Variants in HS3ST4 observed in about 807,000 individuals in gnomAD.
HS3ST4 encodes heparan sulfate-glucosamine 3-sulfotransferase 4, also known as heparan sulfate glucosamine 3-O-sulfotransferase 4.
Under a neutral mutation model 29.2 loss-of-function variants are expected in HS3ST4, and 17 were observed. The observed-to-expected ratio is 0.58, with a 90% confidence interval of 0.40 to 0.87. HS3ST4 has a LOEUF of 0.87. Among genes scored for constraint, HS3ST4 ranks in the 40% least tolerant of loss-of-function variants. The pLI is 0.00. For missense variants in HS3ST4, 627 were observed against 634.5 expected (o/e 0.99, Z 0.13); for synonymous variants, 314 against 285.7 (o/e 1.10, Z -1.00).
At chr16:26,077,888 T>C (rs146375776) in intron 1 of HS3ST4, among the ~76,000 whole-genome samples, 20 of 152,250 alleles carry the variant, frequency 1.3e-4, no homozygotes, top group Non-Finnish European at 2.8e-4. Context: ...CTGGGCAACA[T>C]AGCAAGACCC....
chr16:25,786,536 C>T (rs1249809822), intron 1 of HS3ST4, among the ~76,000 whole-genome samples: 2 of 152,120 alleles, frequency 1.3e-5, no homozygotes, highest in Non-Finnish European at 2.9e-5. Flanking sequence ...TCTAAGTGAC[C>T]TCTGGATGAC....
intron 1 of HS3ST4, among the ~76,000 whole-genome samples, chr16:25,976,408 C>T (rs1596632742): frequency 6.6e-6 from 1 of 152,274 alleles, no homozygotes; most frequent in East Asian, 1.9e-4. Context: ...AGGGCTCAGG[C>T]AACCTTTTCA....
chr16:25,877,211 G>A (rs1359390470), intron 1 of HS3ST4, among the ~76,000 whole-genome samples: 1 of 152,056 alleles, frequency 6.6e-6, no homozygotes, highest in African/African-American at 2.4e-5. Flanking sequence ...GTGTCCCCCA[G>A]CCTGAAATTC....
At chr16:25,897,092 C>G (rs1020887892) in intron 1 of HS3ST4, among the ~76,000 whole-genome samples, 1 of 152,076 alleles carries the variant, frequency 6.6e-6, no homozygotes, top group African/African-American at 2.4e-5. Flanking sequence ...CTCCAAACCC[C>G]AGCATTATGT....
At chr16:26,095,496 C>A (rs192067338) in intron 1 of HS3ST4, among the ~76,000 whole-genome samples, 1 of 152,188 alleles carries the variant, frequency 6.6e-6, no homozygotes, top group Non-Finnish European at 1.5e-5. Context: ...GGAAACTGAA[C>A]AACTTGCTCC....
At chr16:25,762,868 C>A (rs1434462936) in intron 1 of HS3ST4, among the ~76,000 whole-genome samples, 2 of 119,580 alleles carry the variant, frequency 1.7e-5, no homozygotes, top group Admixed American at 1.8e-4. Context: ...CAGAGCAAGA[C>A]CCTGTCTCAA....
intron 1 of HS3ST4, among the ~76,000 whole-genome samples, chr16:26,062,514 G>A (rs2141771685): frequency 6.6e-6 from 1 of 151,994 alleles, no homozygotes; most frequent in Non-Finnish European, 1.5e-5. Context: ...GGATGAGACA[G>A]TTGTACCTGA....
intron 1 of HS3ST4, among the ~76,000 whole-genome samples, chr16:25,758,355 A>G (rs1458322309): frequency 6.6e-6 from 1 of 152,180 alleles, no homozygotes; most frequent in Admixed American, 6.5e-5. Flanking sequence ...TCTGTTATCA[A>G]TACCTGTGCT....
intron 1 of HS3ST4, among the ~76,000 whole-genome samples, chr16:25,881,794 A>T (rs1370638942): frequency 6.6e-6 from 1 of 152,160 alleles, no homozygotes; most frequent in Non-Finnish European, 1.5e-5. Context: ...GCCTCAGGGG[A>T]TGGGCTGTTA....
chr16:25,993,219 G>A (rs191052149), intron 1 of HS3ST4, among the ~76,000 whole-genome samples: 9 of 152,272 alleles, frequency 5.9e-5, no homozygotes, highest in African/African-American at 2.2e-4. Flanking sequence ...GAGGGGTTGA[G>A]TCTGGGTTCT....
intron 1 of HS3ST4, among the ~76,000 whole-genome samples, chr16:25,694,066 T>C (rs561632096): frequency 8.5e-5 from 13 of 152,340 alleles, no homozygotes; most frequent in African/African-American, 3.1e-4. Context: ...TGTTTCTCTT[T>C]CTCTCTTTCC....
chr16:25,902,740 TG>T (rs1476578027), intron 1 of HS3ST4, among the ~76,000 whole-genome samples: 1 of 151,476 alleles, frequency 6.6e-6, no homozygotes, highest in African/African-American at 2.4e-5. Flanking sequence ...GGCAATGTGG[TG>T]GTTCTAGGCA....
chr16:25,718,934 A>AG (rs1006580126), intron 1 of HS3ST4, among the ~76,000 whole-genome samples: 1 of 152,216 alleles, frequency 6.6e-6, no homozygotes, highest in African/African-American at 2.4e-5. Context: ...GAGCTTGTAA[A>AG]GGATGCAAAG....
At position 25,726,497 on chromosome 16, in the gene HS3ST4, A is replaced by C. The variant is rs117811505; in HGVS notation, c.734+33346A>C. Among the ~76,000 whole-genome samples, 897 of 152,272 alleles carry C rather than the reference A, an allele frequency of 5.9e-3. 5 individuals carry two copies. Among genetic ancestry groups the C allele is most frequent in the Non-Finnish European group, 0.01 (713 of 68,014 alleles). ...ACACAGACCCCATTTTCTTTGAATA[A>C]ATTTCTGGGCATTTATCACTGGGTT... On this transcript the variant is annotated intron_variant, in intron 1 of 1. Coordinates refer to ENST00000331351, the MANE Select transcript of HS3ST4 (RefSeq NM_006040.3).
chr16:25,753,167 C>T (rs577699048), intron 1 of HS3ST4, among the ~76,000 whole-genome samples: 1 of 152,160 alleles, frequency 6.6e-6, no homozygotes, highest in East Asian at 1.9e-4. Context: ...ATGAGAATGG[C>T]ACTAGGTATG....
chr16:25,989,995 CT>C (rs937385609), intron 1 of HS3ST4, among the ~76,000 whole-genome samples: 4 of 152,062 alleles, frequency 2.6e-5, no homozygotes, highest in Non-Finnish European at 4.4e-5. Context: ...ATAGTTTTAC[CT>C]TTTTCAGAAT....
intron 1 of HS3ST4, among the ~76,000 whole-genome samples, chr16:25,957,832 GA>G (rs1204156592): frequency 1.8e-4 from 28 of 152,316 alleles, no homozygotes; most frequent in African/African-American, 6.5e-4. Flanking sequence ...CTGAATTCTT[GA>G]GATACAGGTA....
chr16:25,890,108 C>A (rs1260228271), intron 1 of HS3ST4, among the ~76,000 whole-genome samples: 1 of 152,198 alleles, frequency 6.6e-6, no homozygotes, highest in Non-Finnish European at 1.5e-5. Context: ...CTCACTTAGA[C>A]CTCACCACAA....
intron 1 of HS3ST4, among the ~76,000 whole-genome samples, chr16:26,058,799 G>A (rs980042017): frequency 2.0e-5 from 3 of 152,154 alleles, no homozygotes; most frequent in African/African-American, 4.8e-5. Context: ...GTGCAGATGC[G>A]GAAACAGGCC....
Sources: allele counts gnomAD v4.1 joint callset (sites outside exome capture counted in the v4.1 genomes callset), GRCh38; gene constraint gnomAD v4.1.1; transcripts MANE v1.5; gene names NCBI Gene and HGNC (gene_info 2026-07-23, HGNC 2026-07-21).